Variants in RPS6KC1 observed in about 807,000 individuals in gnomAD.
RPS6KC1 encodes ribosomal protein S6 kinase C1, also known as inactive ribosomal protein S6 kinase delta-1.
RPS6KC1 carries 54 observed loss-of-function variants against 103.8 expected under a neutral mutation model. The ratio of observed to expected loss-of-function variants is 0.52; its 90% CI spans 0.42 to 0.65. RPS6KC1 has a LOEUF of 0.65. Ranked by LOEUF, RPS6KC1 falls within the 30% of genes least tolerant of loss-of-function variation. The probability of loss-of-function intolerance (pLI) is 0.00; values close to 1 mark genes in which losing one functional copy is unlikely to be tolerated. For synonymous variants in RPS6KC1, 439 were observed against 438.7 expected, an observed-to-expected ratio of 1.00 and a Z score of -0.01; for missense variants, 1,151 against 1,253.8, an observed-to-expected ratio of 0.92 and a Z score of 1.24.
the RPS6KC1 span, among the ~76,000 whole-genome samples, chr1:213,309,152 G>A: frequency 9.2e-5 from 14 of 152,006 alleles, no homozygotes; most frequent in East Asian, 1.7e-3. Context: ...AAAATTAGCC[G>A]GGCGTGGTGG....
chr1:213,096,013 A>T (rs2081417573), intron 3 of RPS6KC1, among the ~76,000 whole-genome samples: 1 of 152,180 alleles, frequency 6.6e-6, no homozygotes. Flanking sequence ...TTTCTCTGTA[A>T]CATGTGATGG....
At chr1:213,073,936 A>G (rs1001523840) in intron 2 of RPS6KC1, among the ~76,000 whole-genome samples, 3 of 152,188 alleles carry the variant, frequency 2.0e-5, no homozygotes, top group Non-Finnish European at 4.4e-5. Flanking sequence ...TCGGCCTCCC[A>G]AAATGCTGTG....
chr1:213,216,231 G>C (rs1042165824), intron 8 of RPS6KC1, among the ~76,000 whole-genome samples: 6 of 152,162 alleles, frequency 3.9e-5, no homozygotes, highest in Admixed American at 2.6e-4. Context: ...TGCAATCCTA[G>C]TCTCTGATAA....
the RPS6KC1 span, among the ~76,000 whole-genome samples, chr1:213,294,075 G>A: frequency 1.4e-3 from 217 of 152,318 alleles, no homozygotes; most frequent in Non-Finnish European, 2.5e-3. Context: ...AAACAGCAGA[G>A]TACTTTATTC....
At chr1:213,709,872 T>G in the RPS6KC1 span, among the ~76,000 whole-genome samples, 1 of 152,256 alleles carries the variant, frequency 6.6e-6, no homozygotes, top group African/African-American at 2.4e-5. Flanking sequence ...CATTGCACTG[T>G]GGTCTGACAG....
intron 1 of RPS6KC1, among the ~76,000 whole-genome samples, chr1:213,057,809 G>T (rs1422252079): frequency 7.6e-6 from 1 of 131,020 alleles, no homozygotes; most frequent in Non-Finnish European, 1.6e-5. Context: ...TGTTGTCCAG[G>T]CTGGAGTGCA....
the RPS6KC1 span, among the ~76,000 whole-genome samples, chr1:213,385,342 G>A: frequency 6.6e-6 from 1 of 152,150 alleles, no homozygotes; most frequent in Non-Finnish European, 1.5e-5. Flanking sequence ...TACAGGTGAG[G>A]AAACTGAGAC....
At chr1:213,785,718 G>A in the RPS6KC1 span, among the ~76,000 whole-genome samples, 1 of 152,058 alleles carries the variant, frequency 6.6e-6, no homozygotes, top group Non-Finnish European at 1.5e-5. Context: ...TTATCCATGG[G>A]TTTATAGCCT....
At chr1:213,592,022 T>C in the RPS6KC1 span, among the ~76,000 whole-genome samples, 3 of 152,210 alleles carry the variant, frequency 2.0e-5, no homozygotes, top group Non-Finnish European at 4.4e-5. Context: ...AAGGTTTGTC[T>C]GCAGGAAATA....
the RPS6KC1 span, among the ~76,000 whole-genome samples, chr1:213,830,779 C>G: frequency 1.3e-5 from 2 of 152,112 alleles, no homozygotes; most frequent in Non-Finnish European, 2.9e-5. Flanking sequence ...ATCCCTTCCC[C>G]TACTCTTTTA....
chr1:213,343,343 TAATG>T, the RPS6KC1 span, among the ~76,000 whole-genome samples: 1 of 118,498 alleles, frequency 8.4e-6, no homozygotes, highest in Non-Finnish European at 1.7e-5. Flanking sequence ...GAAAAGGAAA[TAATG>T]AAGGCTGAAG....
At chr1:213,210,056 C>T (rs1274080539) in intron 8 of RPS6KC1, among the ~76,000 whole-genome samples, 1 of 152,096 alleles carries the variant, frequency 6.6e-6, no homozygotes, top group Non-Finnish European at 1.5e-5. Flanking sequence ...TGGTTGGCCT[C>T]TTTACTGCAT....
chr1:213,200,698 A>G (rs763277518), intron 8 of RPS6KC1, among the ~76,000 whole-genome samples: 5 of 152,206 alleles, frequency 3.3e-5, no homozygotes, highest in Admixed American at 6.5e-5. Flanking sequence ...AACAAACAGA[A>G]TGGGAGAAAA....
At chr1:213,205,424 G>A (rs968361707) in intron 8 of RPS6KC1, 1 of 968,802 alleles carries the variant, frequency 1.0e-6, no homozygotes, top group East Asian at 1.2e-4. Flanking sequence ...ACTATGATGT[G>A]GATGGTGGGA....
the RPS6KC1 span, among the ~76,000 whole-genome samples, chr1:213,441,751 T>C: frequency 2.0e-5 from 3 of 152,220 alleles, no homozygotes; most frequent in African/African-American, 7.2e-5. Context: ...ACAAGAGGAA[T>C]ATGCAGTTTT....
intron 10 of RPS6KC1, among the ~76,000 whole-genome samples, chr1:213,234,014 CTTTTTT>C (rs565425301): frequency 7.4e-6 from 1 of 135,152 alleles, no homozygotes; most frequent in East Asian, 2.1e-4. Flanking sequence ...CTCTCTCTCT[CTTTTTT>C]TTTTTTTTTT....
At chr1:213,848,904 T>A in the RPS6KC1 span, among the ~76,000 whole-genome samples, 1 of 151,686 alleles carries the variant, frequency 6.6e-6, no homozygotes, top group Non-Finnish European at 1.5e-5. Flanking sequence ...GGGAGAGGAA[T>A]CCCGGGGCAT....
the RPS6KC1 span, among the ~76,000 whole-genome samples, chr1:213,563,122 A>G: frequency 2.6e-5 from 4 of 152,176 alleles, no homozygotes; most frequent in Middle Eastern, 3.4e-3. Flanking sequence ...AAAGTCTATT[A>G]ATTTTTGTTT....
At chr1:213,723,384 A>AGTCT in the RPS6KC1 span, among the ~76,000 whole-genome samples, 3 of 152,128 alleles carry the variant, frequency 2.0e-5, no homozygotes, top group African/African-American at 4.8e-5. Flanking sequence ...GGAGGCTGGG[A>AGTCT]GTCTGAGATC....
Sources: allele counts gnomAD v4.1 joint callset (sites outside exome capture counted in the v4.1 genomes callset), GRCh38; gene constraint gnomAD v4.1.1; transcripts MANE v1.5; gene names NCBI Gene and HGNC (gene_info 2026-07-23, HGNC 2026-07-21).